The following TSNAX variants were observed in gnomAD, a reference collection of about 807,000 sequenced individuals.
TSNAX encodes the protein translin-associated protein X.
TSNAX carries 12 observed loss-of-function variants against 33.0 expected under a neutral mutation model. The ratio of observed to expected loss-of-function variants is 0.36; its 90% CI spans 0.23 to 0.59. The LOEUF (loss-of-function observed/expected upper bound fraction) is 0.59. Ranked by LOEUF, TSNAX falls within the 20% of genes least tolerant of loss-of-function variation. The probability of loss-of-function intolerance (pLI) is 0.74; values close to 1 mark genes in which losing one functional copy is unlikely to be tolerated. For synonymous variants in TSNAX, 110 were observed against 117.2 expected, an observed-to-expected ratio of 0.94 and a Z score of 0.40; for missense variants, 267 against 341.3, an observed-to-expected ratio of 0.78 and a Z score of 1.72.
rs1170415022 is a variant in TSNAX, at chr1:231,566,068, A to G, written c.*1163A>G. On this transcript the variant is annotated 3_prime_UTR_variant, in exon 6 of 6. Coordinates refer to ENST00000366639, the MANE Select transcript of TSNAX (RefSeq NM_005999.3). ...TTCCTATTCTAGCATTTAAATTTAA[A>G]TTTTATTAAAATTAAATAATTTAAA... 7 of 152,310 alleles carry G rather than the reference A, an allele frequency of 4.6e-5. No homozygotes were observed. Among genetic ancestry groups the G allele is most frequent in the Non-Finnish European group, 8.8e-5 (6 of 68,006 alleles). The allele number at this position is 152,310 out of a possible 1,614,324, so 9.4% of individuals were successfully genotyped here.
At chr1:231,541,769 T>C (rs1659590077) in intron 3 of TSNAX, among the ~76,000 whole-genome samples, 1 of 152,188 alleles carries the variant, frequency 6.6e-6, no homozygotes, top group Non-Finnish European at 1.5e-5. Context: ...AAGGGGATTG[T>C]TCTGCCTGCT....
chr1:231,548,820 G>A (rs1412994197), intron 4 of TSNAX, among the ~76,000 whole-genome samples: 1 of 152,230 alleles, frequency 6.6e-6, no homozygotes, highest in African/African-American at 2.4e-5. Context: ...CTTATAAATT[G>A]TAGTTAATTT....
At chr1:231,548,672 A>G (rs1377535231) in intron 4 of TSNAX, among the ~76,000 whole-genome samples, 1 of 152,208 alleles carries the variant, frequency 6.6e-6, no homozygotes, top group African/African-American at 2.4e-5. Context: ...TTAAGAGGAG[A>G]AAACAGGAAG....
At chr1:231,542,691 A>G (rs1034894312) in intron 4 of TSNAX, 80 bp downstream of exon 4, 1 of 1,425,892 alleles carries the variant, frequency 7.0e-7, no homozygotes, top group Non-Finnish European at 9.6e-7. Flanking sequence ...CATGAATTTT[A>G]AGTGACACCT....
rs903225487 is a variant in TSNAX, at chr1:231,555,692, G to T, written c.368-5436G>T. 5.3e-5 allele frequency among the ~76,000 whole-genome samples: 8 copies of T among 152,264 alleles called. No homozygotes were observed. In the East Asian group the frequency reaches 1.5e-3, roughly 29 times the overall value. On this transcript the variant is annotated intron_variant, in intron 4 of 5. Coordinates refer to ENST00000366639, the MANE Select transcript of TSNAX (RefSeq NM_005999.3). ...AAGATGCCATAATTCATTTTGTTGG[G>T]AGTAAATATTGCTTACTGTATTGCA...
At chr1:231,564,312 A>G (rs1048764392) in intron 5 of TSNAX, among the ~76,000 whole-genome samples, 1 of 152,178 alleles carries the variant, frequency 6.6e-6, no homozygotes, top group Non-Finnish European at 1.5e-5. Context: ...CATCTGGTTC[A>G]TTTCACTACC....
chr1:231,528,962 C>T (rs1658458407), intron 1 of TSNAX, 136 bp downstream of exon 1: 3 of 1,213,510 alleles, frequency 2.5e-6, no homozygotes, highest in South Asian at 1.3e-5. Flanking sequence ...CTCTGTTTCT[C>T]TCCCCGGCCA....
chr1:231,551,056 T>TA (rs1660264686), intron 4 of TSNAX, among the ~76,000 whole-genome samples: 1 of 152,164 alleles, frequency 6.6e-6, no homozygotes, highest in Admixed American at 6.5e-5. Context: ...ATTAAGAAAA[T>TA]AAAAATATAT....
intron 4 of TSNAX, among the ~76,000 whole-genome samples, chr1:231,559,059 A>G (rs1339207857): frequency 6.6e-6 from 1 of 152,216 alleles, no homozygotes; most frequent in Non-Finnish European, 1.5e-5. Context: ...TGTTGCTGCC[A>G]TACCAGAAGT....
Position 231,561,247 on chromosome 1 carries a change from A to G in TSNAX, c.487A>G (p.Asn163Asp). 1 of 1,520,662 alleles carries G rather than the reference A, an allele frequency of 6.6e-7. No individual in the cohort carries two copies. Among genetic ancestry groups the G allele is most frequent in the Non-Finnish European group, 9.0e-7 (1 of 1,113,848 alleles). The allele number at this position is 1,520,662 out of a possible 1,614,324, so 94.2% of individuals were successfully genotyped here. Reference protein sequence around the residue: ...IFTTEDNGKENKTPSSDAQDK... With the variant: ...IFTTEDNGKEDKTPSSDAQDK... ...TACGACTGAAGACAATGGGAAAGAA[A>G]ATAAAACTGTGAGAATTTAAAATTT... The change falls in exon 5 of 6, where the codon AAT (asparagine) becomes GAT (aspartate). Residue 163 changes from asparagine (N) to aspartate (D), a missense_variant. Physicochemically the swap from Asn to Asp is conservative, Grantham distance 23. This residue lies in a region of TSNAX where 200 missense variants were observed against 214.1 expected (regional missense o/e 0.93). Coordinates refer to ENST00000366639, the MANE Select transcript of TSNAX (RefSeq NM_005999.3).
At chr1:231,539,834 A>G (rs1473176727) in intron 3 of TSNAX, among the ~76,000 whole-genome samples, 1 of 152,158 alleles carries the variant, frequency 6.6e-6, no homozygotes, top group Non-Finnish European at 1.5e-5. Context: ...AAAATAAGAA[A>G]CTTAAGAAAA....
intron 3 of TSNAX, 134 bp from the exon 4 acceptor site, chr1:231,542,346 AT>A (rs1558125233): frequency 1.3e-6 from 1 of 797,438 alleles, no homozygotes; most frequent in Non-Finnish European, 1.9e-6. Context: ...CATACTATGA[AT>A]AGTTTTGAGT....
chr1:231,535,988 GC>G (rs1255698171), intron 2 of TSNAX: 1 of 152,154 alleles, frequency 6.6e-6, no homozygotes, highest in African/African-American at 2.4e-5. Context: ...CCTGCGTTCA[GC>G]CTTTCATCGA....
At chr1:231,551,643 C>G (rs780258000) in intron 4 of TSNAX, among the ~76,000 whole-genome samples, 15 of 151,582 alleles carry the variant, frequency 9.9e-5, no homozygotes, top group Admixed American at 2.6e-4. Flanking sequence ...TACCAATTTG[C>G]TCAATACTCG....
chr1:231,539,094 CTG>C (rs1287250244), intron 3 of TSNAX, among the ~76,000 whole-genome samples: 5 of 152,044 alleles, frequency 3.3e-5, no homozygotes, highest in African/African-American at 9.7e-5. Flanking sequence ...TCTTACCTGA[CTG>C]TGTAAAATTA....
At chr1:231,557,463 TTTTG>T (rs1660767020) in intron 4 of TSNAX, among the ~76,000 whole-genome samples, 1 of 152,154 alleles carries the variant, frequency 6.6e-6, no homozygotes, top group Admixed American at 6.5e-5. Flanking sequence ...GCAAGAACTA[TTTTG>T]TTTTAGAGAT....
At chr1:231,533,068 C>CTTTTTTT (rs746007509) in intron 2 of TSNAX, among the ~76,000 whole-genome samples, 1 of 136,418 alleles carries the variant, frequency 7.3e-6, no homozygotes, top group African/African-American at 2.7e-5. Context: ...CATGGGAAGT[C>CTTTTTTT]TTTTTTTTTT....
intron 3 of TSNAX, 108 bp from the exon 4 acceptor site, chr1:231,542,373 G>A: frequency 8.8e-7 from 1 of 1,138,616 alleles, no homozygotes; most frequent in Admixed American, 2.5e-5. Context: ...TGAGTTAGAA[G>A]TATATGAATG....
At chr1:231,553,683 T>C (rs1414371192) in intron 4 of TSNAX, among the ~76,000 whole-genome samples, 1 of 48,204 alleles carries the variant, frequency 2.1e-5, no homozygotes, top group South Asian at 6.6e-4. Flanking sequence ...CTTTCTTTCC[T>C]TTTTTTTTTT....
Sources: allele counts gnomAD v4.1 joint callset (sites outside exome capture counted in the v4.1 genomes callset), GRCh38; gene constraint gnomAD v4.1.1; regional missense constraint gnomAD v4.1.1; transcripts MANE v1.5; gene names NCBI Gene and HGNC (gene_info 2026-07-23, HGNC 2026-07-21).